RB1CC1: variants seen among roughly 807,000 people sequenced by gnomAD.
RB1CC1 encodes RB1-inducible coiled-coil protein 1.
RB1CC1 carries 46 observed loss-of-function variants against 177.5 expected under a neutral mutation model. The ratio of observed to expected loss-of-function variants is 0.26; its 90% CI spans 0.20 to 0.33. The LOEUF is 0.33. Among genes scored for constraint, RB1CC1 ranks in the 10% least tolerant of loss-of-function variants. RB1CC1 has a pLI of 1.00. For missense variants in RB1CC1, 1,703 were observed against 1,816.3 expected (o/e 0.94, Z 1.13); for synonymous variants, 666 against 613.6 (o/e 1.09, Z -1.26).
intron 20 of RB1CC1, 107 bp downstream of exon 20, chr8:52,634,814 A>T: frequency 2.1e-6 from 2 of 953,132 alleles, no homozygotes; most frequent in Non-Finnish European, 3.1e-6. Context: ...CCTACTATAG[A>T]TAAGTCAATC....
At chr8:52,666,212 G>A (rs1010781772) in intron 8 of RB1CC1, among the ~76,000 whole-genome samples, 2 of 152,118 alleles carry the variant, frequency 1.3e-5, no homozygotes, top group East Asian at 3.9e-4. Flanking sequence ...GACCATAAGA[G>A]TGAGAATTAT....
intron 15 of RB1CC1, among the ~76,000 whole-genome samples, chr8:52,652,746 C>G (rs1000700191): frequency 3.7e-4 from 57 of 152,158 alleles, no homozygotes; most frequent in African/African-American, 1.3e-3. Flanking sequence ...AAAATTTTTA[C>G]TATCTGGACC....
chr8:52,708,883 G>A (rs574859032), intron 1 of RB1CC1, among the ~76,000 whole-genome samples: 1 of 152,202 alleles, frequency 6.6e-6, no homozygotes, highest in Non-Finnish European at 1.5e-5. Flanking sequence ...GCAGTTTACA[G>A]AACTAGGGAT....
At chr8:52,692,548 T>G (rs112028074) in intron 1 of RB1CC1, among the ~76,000 whole-genome samples, 13 of 152,238 alleles carry the variant, frequency 8.5e-5, no homozygotes, top group African/African-American at 3.1e-4. Flanking sequence ...ATGACAAAAC[T>G]ATGGCTCAAA....
At chr8:52,686,381 A>C (rs1054562835) in intron 2 of RB1CC1, among the ~76,000 whole-genome samples, 1 of 152,154 alleles carries the variant, frequency 6.6e-6, no homozygotes, top group African/African-American at 2.4e-5. Context: ...CTGTCTGCAC[A>C]AAATGTTTAA....
intron 1 of RB1CC1, among the ~76,000 whole-genome samples, chr8:52,703,423 A>T (rs778368441): frequency 1.3e-4 from 20 of 152,216 alleles, no homozygotes; most frequent in Non-Finnish European, 2.4e-4. Context: ...TAAATTCCTT[A>T]GACTGACACT....
intron 12 of RB1CC1, among the ~76,000 whole-genome samples, chr8:52,660,279 G>C (rs1851497489): frequency 6.6e-6 from 1 of 151,756 alleles, no homozygotes; most frequent in South Asian, 2.1e-4. Context: ...AGCAGTGGAA[G>C]AAAGAAGAGG....
Position 52,668,048 on chromosome 8 carries a change from C to T in RB1CC1, c.1146G>A (p.Leu382=). 1 of 1,613,778 alleles carries T rather than the reference C, an allele frequency of 6.2e-7. No homozygotes were observed. The highest frequency in any genetic ancestry group is 8.5e-7 in the Non-Finnish European group (1 of 1,179,802). ...GAGCAAGCTCTTTCTGTTCATTCAC[C>T]AGTCGGCCACAGCTAGCAATCATCT... The part of the protein sequence containing the change: ...LDQMIASCGR[L]VNEQKELAQG... The change falls in exon 8 of 24, where the codon CTG becomes CTA. Residue 382 remains leucine, a synonymous_variant. Coordinates refer to ENST00000025008, the MANE Select transcript of RB1CC1 (RefSeq NM_014781.5).
intron 22 of RB1CC1, among the ~76,000 whole-genome samples, chr8:52,626,952 G>A (rs1848439558): frequency 6.6e-6 from 1 of 152,208 alleles, no homozygotes; most frequent in Non-Finnish European, 1.5e-5. Context: ...CTACTCAGGA[G>A]GCTGAGGCAG....
chr8:52,677,840 T>A (rs1016055994), intron 5 of RB1CC1, among the ~76,000 whole-genome samples: 3 of 152,132 alleles, frequency 2.0e-5, no homozygotes, highest in African/African-American at 4.8e-5. Flanking sequence ...TGTTTTCAGA[T>A]TTTTTTAAAC....
chr8:52,669,538 T>C (rs1351299302), intron 7 of RB1CC1, among the ~76,000 whole-genome samples: 1 of 152,184 alleles, frequency 6.6e-6, no homozygotes, highest in Non-Finnish European at 1.5e-5. Context: ...CCAGTGTAGT[T>C]AAGAGGGTGC....
chr8:52,657,643 T>C lies in RB1CC1; in HGVS notation c.2186A>G (p.Glu729Gly). 2 of 1,614,138 alleles carry C rather than the reference T, an allele frequency of 1.2e-6. No homozygotes were observed. Among genetic ancestry groups the C allele is most frequent in the Non-Finnish European group, 1.7e-6 (2 of 1,180,020 alleles). ...LDLDSLAESP[E>G]SDFMSAVNEF... ...ATTCACAGCAGACATAAAATCTGAT[T>C]CAGGACTTTCTGCTAATGAATCCAA... is the stretch of plus-strand genomic sequence containing the variant. Residue 729 changes from glutamate to glycine, a missense_variant, in exon 15 of 24, where the codon GAA becomes GGA. Glu to Gly is a moderately conservative substitution (Grantham distance 98, BLOSUM62 -2). This residue lies in a region of RB1CC1 where 1,169 missense variants were observed against 1,184.7 expected (regional missense o/e 0.99). Transcript: ENST00000025008.
chr8:52,685,429 A>T lies in RB1CC1; in HGVS notation c.41T>A (p.Leu14Gln), dbSNP rs1854186212. 5 of 1,602,248 alleles carry T rather than the reference A, an allele frequency of 3.1e-6. No homozygotes were observed. The highest frequency in any genetic ancestry group is 4.3e-6 in the Non-Finnish European group (5 of 1,173,182). The change falls in exon 3 of 24, where the codon CTA (leucine) becomes CAA (glutamine). Residue 14 changes from leucine (L) to glutamine (Q), a missense_variant. By Grantham distance (113) the Leu-to-Gln change is moderately radical. Coordinates refer to ENST00000025008, the MANE Select transcript of RB1CC1 (RefSeq NM_014781.5). ...YVFLVNTGTT[L>Q]TFDTELTVQT... ...CACTGTAAGTTCAGTGTCAAATGTT[A>T]GAGTAGTTCCAGTGTTAACCAGAAA... is the stretch of plus-strand genomic sequence containing the variant.
At chr8:52,688,959 A>G (rs913635686) in intron 1 of RB1CC1, among the ~76,000 whole-genome samples, 5 of 152,302 alleles carry the variant, frequency 3.3e-5, no homozygotes, top group African/African-American at 1.2e-4. Context: ...AAAATGTGGT[A>G]CTTGGCAGAT....
intron 1 of RB1CC1, among the ~76,000 whole-genome samples, chr8:52,689,570 TA>T (rs1221903696): frequency 1.3e-5 from 2 of 152,214 alleles, no homozygotes; most frequent in African/African-American, 4.8e-5. Context: ...GAAACTATTC[TA>T]AATGCTTTAT....
intron 5 of RB1CC1, among the ~76,000 whole-genome samples, chr8:52,680,853 G>GA (rs1853631768): frequency 6.6e-6 from 1 of 152,136 alleles, no homozygotes; most frequent in African/African-American, 2.4e-5. Context: ...ACCAAGTAAT[G>GA]TTGGTTTAGA....
rs768727004 is a variant in RB1CC1, at chr8:52,661,711, T to C, written c.1182A>G (p.Leu394=). 5 of 1,554,214 alleles carry C rather than the reference T, an allele frequency of 3.2e-6. No homozygotes were observed. The East Asian group carries it at 1.2e-4, about 36-fold the overall frequency. ...NEQKELAQGF[L]ANQKRAENLK... Reference sequence around the variant, plus strand: ...AGTTTTCAGCTCTCTTCTGATTAGCTAAAAATCCCTTTGAGAAAAAAAATG... The same window carrying C: ...AGTTTTCAGCTCTCTTCTGATTAGCCAAAAATCCCTTTGAGAAAAAAAATG... Residue 394 remains leucine, a synonymous_variant, in exon 9 of 24, where the codon TTA becomes TTG. Transcript: ENST00000025008.
intron 13 of RB1CC1, 108 bp from the exon 14 acceptor site, chr8:52,658,232 T>C: frequency 8.4e-7 from 1 of 1,196,380 alleles, no homozygotes; most frequent in South Asian, 1.6e-5. Context: ...TTATCATTCC[T>C]TTTTAAATTA....
At chr8:52,698,485 T>G (rs1158260631) in intron 1 of RB1CC1, among the ~76,000 whole-genome samples, 1 of 151,376 alleles carries the variant, frequency 6.6e-6, no homozygotes, top group Non-Finnish European at 1.5e-5. Flanking sequence ...GCCAATTTTT[T>G]GTATGTTTTA....
Sources: allele counts gnomAD v4.1 joint callset (sites outside exome capture counted in the v4.1 genomes callset), GRCh38; gene constraint gnomAD v4.1.1; regional missense constraint gnomAD v4.1.1; transcripts MANE v1.5; gene names NCBI Gene and HGNC (gene_info 2026-07-23, HGNC 2026-07-21).